Variants in RNF115 observed in about 807,000 individuals in gnomAD.
RNF115 encodes the protein E3 ubiquitin-protein ligase RNF115.
In RNF115, 31 loss-of-function variants were observed where a neutral mutation model predicts 39.2. The ratio of observed to expected loss-of-function variants is 0.79; its 90% CI spans 0.59 to 1.07. The LOEUF (loss-of-function observed/expected upper bound fraction) is 1.07, where lower values mean the gene tolerates loss of function less well. RNF115 is among the 50% of genes least tolerant of loss of function. The pLI is 0.00. For synonymous variants in RNF115, 124 were observed against 131.0 expected, an observed-to-expected ratio of 0.95 and a Z score of 0.37; for missense variants, 384 against 381.7, an observed-to-expected ratio of 1.01 and a Z score of -0.05.
In RNF115 at chr1:145,824,009, G is replaced by T; in HGVS notation, c.-136C>A. ...GCTTCAGAGCCCGCGTCGGTCACGT[G>T]AGTTGGCCAGGCCCAGAAACGCGGC... On this transcript the variant is annotated 5_prime_UTR_variant, in exon 1 of 9. Coordinates refer to ENST00000582693, the MANE Select transcript of RNF115 (RefSeq NM_014455.4). The T allele has an allele frequency of 3.3e-6, 2 of 599,966 alleles. No individual in the cohort carries two copies. Among genetic ancestry groups the T allele is most frequent in the Non-Finnish European group, 5.3e-6 (2 of 377,328 alleles). 37.2% of individuals were successfully genotyped at this position (599,966 alleles called of 1,614,324 possible). A position where few individuals can be genotyped will look rare whatever the true frequency, so the allele number is the denominator to read the frequency against.
rs587710880 is a variant in RNF115, at chr1:145,750,173, A to G, written c.667+234T>C. ...GAGACATAATTGCTCAGGAAATACC[A>G]ACTGACTAACCTAATAAAGGGGTAG... On this transcript the variant is annotated intron_variant, in intron 7 of 8. Coordinates refer to ENST00000582693, the MANE Select transcript of RNF115 (RefSeq NM_014455.4). 6.6e-5 allele frequency among the ~76,000 whole-genome samples: 10 copies of G among 152,336 alleles called. No homozygotes were observed. The South Asian group carries it at 2.1e-3, about 32-fold the overall frequency.
At chr1:145,783,385 C>T (rs1169962969) in intron 3 of RNF115, among the ~76,000 whole-genome samples, 1 of 152,048 alleles carries the variant, frequency 6.6e-6, no homozygotes, top group East Asian at 1.9e-4. Flanking sequence ...AATCTAACAA[C>T]ATCAAAATGT....
At chr1:145,761,860 C>A (rs1388192340) in intron 4 of RNF115, among the ~76,000 whole-genome samples, 1 of 152,190 alleles carries the variant, frequency 6.6e-6, no homozygotes, top group Non-Finnish European at 1.5e-5. Flanking sequence ...CCAGTGAAAG[C>A]AGCCGGGAGG....
At chr1:145,753,081 C>A (rs1553712743) in intron 4 of RNF115, 32 bp from the exon 5 acceptor site, 2 of 1,430,154 alleles carry the variant, frequency 1.4e-6, no homozygotes, top group South Asian at 2.3e-5. Flanking sequence ...GATAAGACAA[C>A]AGACTAATGA....
At chr1:145,785,676 G>A (rs1648345257) in intron 2 of RNF115, among the ~76,000 whole-genome samples, 1 of 152,110 alleles carries the variant, frequency 6.6e-6, no homozygotes, top group South Asian at 2.1e-4. Context: ...TCATTTGTAG[G>A]ATTACAATAC....
chr1:145,760,506 T>A (rs1658458214), intron 4 of RNF115, among the ~76,000 whole-genome samples: 2 of 152,156 alleles, frequency 1.3e-5, no homozygotes, highest in Non-Finnish European at 2.9e-5. Context: ...ATCTTTCCCA[T>A]GCTATTCTCA....
intron 1 of RNF115, among the ~76,000 whole-genome samples, chr1:145,794,833 C>T (rs1387998343): frequency 2.0e-5 from 3 of 151,616 alleles, no homozygotes; most frequent in African/African-American, 4.8e-5. Flanking sequence ...CTGGCTAACA[C>T]GGTGAAACCC....
chr1:145,806,569 G>T (rs1553721595), intron 1 of RNF115, among the ~76,000 whole-genome samples: 2 of 152,120 alleles, frequency 1.3e-5, no homozygotes, highest in African/African-American at 4.8e-5. Flanking sequence ...CTAGTGGGAG[G>T]TATTTAGGTC....
chr1:145,756,925 C>T, intron 4 of RNF115, among the ~76,000 whole-genome samples: 1 of 150,472 alleles, frequency 6.6e-6, no homozygotes, highest in East Asian at 2.0e-4. Context: ...CAACCTCTGC[C>T]TCCAGGTTTA....
At chr1:145,755,521 T>C (rs1658263063) in intron 4 of RNF115, among the ~76,000 whole-genome samples, 1 of 152,124 alleles carries the variant, frequency 6.6e-6, no homozygotes. Context: ...CCTGACCCAG[T>C]GAATCTGTGA....
intron 1 of RNF115, among the ~76,000 whole-genome samples, chr1:145,793,700 C>T (rs190305716): frequency 1.1e-3 from 166 of 152,136 alleles, no homozygotes; most frequent in Non-Finnish European, 2.0e-3. Flanking sequence ...TCATTCATAA[C>T]GCCTCTCTTT....
intron 1 of RNF115, among the ~76,000 whole-genome samples, chr1:145,792,425 T>G (rs1486423040): frequency 2.0e-5 from 3 of 151,982 alleles, no homozygotes; most frequent in Non-Finnish European, 4.4e-5. Flanking sequence ...CGAACTCCTG[T>G]GCTCAAGTCA....
chr1:145,792,743 G>T (rs1236625430), intron 1 of RNF115, among the ~76,000 whole-genome samples: 1 of 152,184 alleles, frequency 6.6e-6, no homozygotes, highest in Non-Finnish European at 1.5e-5. Context: ...ATGCATGGAG[G>T]TTGGAAGGGA....
At chr1:145,812,672 C>CAAA (rs1208058473) in intron 1 of RNF115, among the ~76,000 whole-genome samples, 6 of 108,350 alleles carry the variant, frequency 5.5e-5, no homozygotes, top group African/African-American at 3.7e-4. Context: ...AAAAAAAAAC[C>CAAA]AAAAAACAAA....
chr1:145,753,375 G>C (rs587700509), intron 4 of RNF115, among the ~76,000 whole-genome samples: 3 of 152,230 alleles, frequency 2.0e-5, no homozygotes, highest in African/African-American at 7.2e-5. Context: ...AAGGGATGCC[G>C]AGCCAGTGGA....
chr1:145,777,813 G>A (rs963122641), intron 3 of RNF115, among the ~76,000 whole-genome samples: 1 of 152,012 alleles, frequency 6.6e-6, no homozygotes, highest in East Asian at 1.9e-4. Flanking sequence ...AAAATATTTG[G>A]GGTGAACTAT....
At chr1:145,787,882 T>G (rs1369845593) in intron 2 of RNF115, among the ~76,000 whole-genome samples, 1 of 151,548 alleles carries the variant, frequency 6.6e-6, no homozygotes, top group Non-Finnish European at 1.5e-5. Context: ...AGCAAGACTC[T>G]GTCTCAAAAA....
intron 3 of RNF115, among the ~76,000 whole-genome samples, chr1:145,776,942 T>G (rs1234380446): frequency 1.3e-5 from 2 of 152,240 alleles, no homozygotes; most frequent in East Asian, 1.9e-4. Flanking sequence ...TACTTTCTAA[T>G]TATAGTCTTC....
intron 4 of RNF115, among the ~76,000 whole-genome samples, chr1:145,761,584 A>C (rs1298883952): frequency 6.6e-6 from 1 of 152,192 alleles, no homozygotes; most frequent in Non-Finnish European, 1.5e-5. Context: ...AGGTTTGGGA[A>C]CCTCCGCCTA....
Sources: gnomAD v4.1 joint callset for allele counts (sites outside exome capture counted in the v4.1 genomes callset) on GRCh38, gnomAD v4.1.1 for gene constraint, MANE v1.5 for transcripts, NCBI Gene and HGNC (gene_info 2026-07-23, HGNC 2026-07-21) for gene names.